Variants in NEURL1 observed in about 807,000 individuals in gnomAD.
NEURL1 encodes neuralized E3 ubiquitin protein ligase 1, also known as E3 ubiquitin-protein ligase NEURL1.
A neutral mutation model predicts 41.2 loss-of-function variants in NEURL1; 26 were observed. That is an observed-to-expected ratio of 0.63 (90% CI 0.46 to 0.87). The LOEUF is 0.87. NEURL1 is among the 40% of genes least tolerant of loss of function. The probability of loss-of-function intolerance (pLI) is 0.00; values close to 1 mark genes in which losing one functional copy is unlikely to be tolerated. For synonymous variants in NEURL1, 400 were observed against 402.3 expected (o/e 0.99, Z 0.07); for missense variants, 761 against 871.1 (o/e 0.87, Z 1.59).
In NEURL1 at chr10:103,584,951, C is replaced by A. The variant is rs367937591; in HGVS notation, c.1065C>A (p.Phe355Leu). Residue 355 changes from phenylalanine to leucine, a missense_variant, in exon 4 of 6, where the codon TTC (phenylalanine) becomes TTA (leucine). Phe to Leu is a conservative substitution (Grantham distance 22). Coordinates refer to ENST00000369780, the MANE Select transcript of NEURL1 (RefSeq NM_004210.5). Reference protein sequence around the residue: ...SGGARPGALSFGVTTCDPGTL... With the variant: ...SGGARPGALSLGVTTCDPGTL... Reference sequence around the variant, plus strand: ...GCGCGCGGCCCGGCGCGCTGTCGTTCGGCGTCACCACGTGCGACCCCGGCA... The same window carrying A: ...GCGCGCGGCCCGGCGCGCTGTCGTTAGGCGTCACCACGTGCGACCCCGGCA... 2 of 1,504,954 alleles carry A rather than the reference C, an allele frequency of 1.3e-6. No homozygotes were observed. The highest frequency in any genetic ancestry group is 2.5e-5 in the South Asian group (2 of 80,308). The allele number at this position is 1,504,954 out of a possible 1,614,324, so 93.2% of individuals were successfully genotyped here.
chr10:103,558,350 C>A lies in NEURL1; in HGVS notation c.86-12522C>A. On this transcript the variant is annotated intron_variant, in intron 1 of 5. Coordinates refer to ENST00000369780, the MANE Select transcript of NEURL1 (RefSeq NM_004210.5). The surrounding 1 kb of genome is among the most constrained non-coding windows in gnomAD (Gnocchi z 4.2). ...TGTGGACGTGTTTTGGCTCTCTGAGCTTCTGATGTCAACAGATGTGTATCT... is the reference window on the plus strand; with the variant it reads ...TGTGGACGTGTTTTGGCTCTCTGAGATTCTGATGTCAACAGATGTGTATCT... The A allele has an allele frequency of 1.7e-6, 1 of 575,510 alleles. No individual in the cohort carries two copies. The highest frequency in any genetic ancestry group is 2.2e-6 in the Non-Finnish European group (1 of 455,642). 35.7% of individuals were successfully genotyped at this position (575,510 alleles called of 1,614,324 possible). A position where few individuals can be genotyped will look rare whatever the true frequency, so the allele number is the denominator to read the frequency against.
rs1381464125 is a variant in NEURL1 at position 103,584,898 on chromosome 10, A to C, written c.1012A>C (p.Ile338Leu). Residue 338 changes from isoleucine to leucine, a missense_variant, in exon 4 of 6, where the codon ATC becomes CTC. Ile to Leu is a conservative substitution (Grantham distance 5). Transcript: ENST00000369780. The stretch of plus-strand genomic sequence containing the variant: ...CCGGCCCGTGCGCGTGGCCGAGACC[A>C]TCTTCGTCAAGGTCACGCGCTCGGG... The part of the protein sequence containing the change: ...TSRPVRVAET[I>L]FVKVTRSGGA... 7.2e-7 allele frequency: 1 copy of C among 1,386,328 alleles called. No homozygotes were observed. The highest frequency in any genetic ancestry group is 2.8e-5 in the Admixed American group (1 of 35,838). The allele number at this position is 1,386,328 out of a possible 1,614,324, so 85.9% of individuals were successfully genotyped here.
intron 4 of NEURL1, among the ~76,000 whole-genome samples, chr10:103,586,586 C>G (rs1419783405): frequency 6.6e-6 from 1 of 151,040 alleles, no homozygotes; most frequent in Non-Finnish European, 1.5e-5. Context: ...GGTAGTTACT[C>G]TATGAGATTG....
chr10:103,585,232 G>A lies in NEURL1; in HGVS notation c.1339+7G>A, dbSNP rs1258334202. ...ACGCAGATCCGCATCCTCGGTGAGTGCCCGCAGCTGCGCCTGGGCGTATGC... is the reference window on the plus strand; with the variant it reads ...ACGCAGATCCGCATCCTCGGTGAGTACCCGCAGCTGCGCCTGGGCGTATGC... On this transcript the variant is annotated splice_region_variant and intron_variant, in intron 4 of 5. Transcript: ENST00000369780. 6.6e-7 allele frequency: 1 copy of A among 1,505,258 alleles called. No individual in the cohort carries two copies. The highest frequency in any genetic ancestry group is 2.5e-5 in the East Asian group (1 of 40,694). The allele number at this position is 1,505,258 out of a possible 1,614,324, so 93.2% of individuals were successfully genotyped here. A position where few individuals can be genotyped will look rare whatever the true frequency, so the allele number is the denominator to read the frequency against.
rs988226408 is a variant in NEURL1 at position 103,514,419 on chromosome 10, C to T, written c.85+19947C>T. 7.9e-5 allele frequency among the ~76,000 whole-genome samples: 12 copies of T among 152,182 alleles called. No homozygotes were observed. The East Asian group carries it at 2.3e-3, about 29-fold the overall frequency. Reference sequence around the variant, plus strand: ...GTTACTATCCCTCTCTGTGCCCAGGCTCCTTTCCTTGTCAAGTGGAGTGTG... The same window carrying T: ...GTTACTATCCCTCTCTGTGCCCAGGTTCCTTTCCTTGTCAAGTGGAGTGTG... On this transcript the variant is annotated intron_variant, in intron 1 of 5. Coordinates refer to ENST00000369780, the MANE Select transcript of NEURL1 (RefSeq NM_004210.5).
chr10:103,496,112 TAA>T (rs538259442), intron 1 of NEURL1, among the ~76,000 whole-genome samples: 4 of 131,050 alleles, frequency 3.1e-5, no homozygotes, highest in Admixed American at 1.6e-4. Flanking sequence ...TCTGTCTTGC[TAA>T]AAAAAAAAAA....
intron 1 of NEURL1, among the ~76,000 whole-genome samples, chr10:103,560,484 G>A (rs1434178435): frequency 6.6e-6 from 1 of 152,188 alleles, no homozygotes; most frequent in Non-Finnish European, 1.5e-5. Context: ...GGCTCAGTTG[G>A]GGATTAACTT....
intron 1 of NEURL1, among the ~76,000 whole-genome samples, chr10:103,550,318 G>A (rs117793910): frequency 4.0e-4 from 61 of 152,306 alleles, no homozygotes; most frequent in Non-Finnish European, 4.9e-4. Flanking sequence ...ATAGTAGTGG[G>A]GAGGGCCTTG....
At chr10:103,496,548 C>G (rs577762792) in intron 1 of NEURL1, among the ~76,000 whole-genome samples, 1 of 152,230 alleles carries the variant, frequency 6.6e-6, no homozygotes, top group East Asian at 1.9e-4. Flanking sequence ...ATATTTTGCT[C>G]TTTTCTAAAA....
chr10:103,509,090 G>A (rs995029434), intron 1 of NEURL1, among the ~76,000 whole-genome samples: 1 of 150,844 alleles, frequency 6.6e-6, no homozygotes, highest in Non-Finnish European at 1.5e-5. Flanking sequence ...AATTAGCTGG[G>A]TGTGGTGGCG....
intron 1 of NEURL1, among the ~76,000 whole-genome samples, chr10:103,525,358 C>CTTTTTTCTT (rs1564810115): frequency 7.3e-6 from 1 of 136,094 alleles, no homozygotes; most frequent in African/African-American, 2.7e-5. Flanking sequence ...TTTCTTTTTT[C>CTTTTTTCTT]TTTTTTTTTT....
chr10:103,504,219 C>A (rs962578133), intron 1 of NEURL1, among the ~76,000 whole-genome samples: 1 of 152,032 alleles, frequency 6.6e-6, no homozygotes, highest in African/African-American at 2.4e-5. Context: ...TCTTGAACCC[C>A]TGAACTTGTG....
intron 4 of NEURL1, among the ~76,000 whole-genome samples, chr10:103,585,580 ATC>A (rs1420662297): frequency 1.3e-5 from 2 of 152,216 alleles, no homozygotes; most frequent in Non-Finnish European, 2.9e-5. Flanking sequence ...CACGCCTGTA[ATC>A]TCAGCATTTT....
At position 103,508,825 on chromosome 10, in the gene NEURL1, C is replaced by T. The variant is rs537233313; in HGVS notation, c.85+14353C>T. ...GCATGAGGGAGTCCTGCCTCCTTCA[C>T]AGCAAAATGTGAAAGAAGCTGTTTT... On this transcript the variant is annotated intron_variant, in intron 1 of 5. Transcript: ENST00000369780. This position sits in a 1 kb window ranked among gnomAD's most constrained non-coding sequence, Gnocchi z 4.3. 1.3e-5 allele frequency among the ~76,000 whole-genome samples: 2 copies of T among 152,320 alleles called. No homozygotes were observed. Among genetic ancestry groups the T allele is most frequent in the African/African-American group, 4.8e-5 (2 of 41,580 alleles).
rs2035881221 is a variant in NEURL1, at chr10:103,584,958, A to C, written c.1072A>C (p.Thr358Pro). The change falls in exon 4 of 6, where the codon ACC becomes CCC. Residue 358 changes from threonine to proline, a missense_variant. Physicochemically the swap from Thr to Pro is conservative, Grantham distance 38. Around this residue, in one of 5 missense-constraint regions of NEURL1, gnomAD observed 443 missense variants for 408.1 expected, o/e 1.09. Coordinates refer to ENST00000369780, the MANE Select transcript of NEURL1 (RefSeq NM_004210.5). ...ARPGALSFGV[T>P]TCDPGTLRPA... Reference sequence around the variant, plus strand: ...GCCCGGCGCGCTGTCGTTCGGCGTCACCACGTGCGACCCCGGCACGCTGCG... The same window carrying C: ...GCCCGGCGCGCTGTCGTTCGGCGTCCCCACGTGCGACCCCGGCACGCTGCG... 6.6e-7 allele frequency: 1 copy of C among 1,511,378 alleles called. No homozygotes were observed. The highest frequency in any genetic ancestry group is 2.1e-5 in the Admixed American group (1 of 47,394). The allele number at this position is 1,511,378 out of a possible 1,614,324, so 93.6% of individuals were successfully genotyped here.
At chr10:103,525,678 A>C (rs2034445919) in intron 1 of NEURL1, among the ~76,000 whole-genome samples, 1 of 152,102 alleles carries the variant, frequency 6.6e-6, no homozygotes, top group Non-Finnish European at 1.5e-5. Context: ...TATATATGAT[A>C]GTTTATATGC....
At chr10:103,500,500 G>A (rs2033798614) in intron 1 of NEURL1, among the ~76,000 whole-genome samples, 1 of 152,190 alleles carries the variant, frequency 6.6e-6, no homozygotes, top group Middle Eastern at 3.2e-3. Flanking sequence ...AGCCTTGGGT[G>A]GGCTCTGTCT....
At chr10:103,570,186 C>T (rs943855646) in intron 1 of NEURL1, among the ~76,000 whole-genome samples, 11 of 152,214 alleles carry the variant, frequency 7.2e-5, no homozygotes, top group East Asian at 5.8e-4. Context: ...TGTTTCCCCA[C>T]GATGACAGGA....
intron 3 of NEURL1, among the ~76,000 whole-genome samples, chr10:103,575,484 G>T (rs2035641398): frequency 6.6e-6 from 1 of 152,192 alleles, no homozygotes; most frequent in Admixed American, 6.5e-5. Context: ...CTCTGTGTTT[G>T]TTCCTTAGAC....
Sources: gnomAD v4.1 joint callset for allele counts (sites outside exome capture counted in the v4.1 genomes callset) on GRCh38, gnomAD v4.1.1 for gene constraint, gnomAD v4.1.1 regional missense constraint, Gnocchi (gnomAD v3.1) non-coding constraint, MANE v1.5 for transcripts, NCBI Gene and HGNC (gene_info 2026-07-23, HGNC 2026-07-21) for gene names.